ELAC2: variants seen among roughly 807,000 people sequenced by gnomAD.
ELAC2 encodes elaC ribonuclease Z 2.
In ELAC2, 92 loss-of-function variants were observed where a neutral mutation model predicts 105.2. That is an observed-to-expected ratio of 0.87 (90% CI 0.74 to 1.04). ELAC2 has a LOEUF of 1.04. Among genes scored for constraint, ELAC2 ranks in the 50% least tolerant of loss-of-function variants. ELAC2 has a pLI of 0.00. For synonymous variants in ELAC2, 468 were observed against 409.1 expected, an observed-to-expected ratio of 1.14 and a Z score of -1.74; for missense variants, 1,099 against 1,071.7, an observed-to-expected ratio of 1.03 and a Z score of -0.36.
chr17:13,004,443 C>CTT (rs1567757794), intron 11 of ELAC2, among the ~76,000 whole-genome samples: 1 of 152,194 alleles, frequency 6.6e-6, no homozygotes, highest in African/African-American at 2.4e-5. Context: ...GATTCAAACT[C>CTT]AGATAGGTGG....
chr17:13,012,785 G>A (rs983579592), intron 6 of ELAC2, among the ~76,000 whole-genome samples: 27 of 152,036 alleles, frequency 1.8e-4, no homozygotes, highest in African/African-American at 6.5e-4. Flanking sequence ...CTGATACTTC[G>A]GAATTTGCAG....
rs71144943 is a variant in ELAC2 at position 12,992,127 on chromosome 17, T to TTTGATTGA, written c.*683_*690dup. Among the ~76,000 whole-genome samples, 210 of 150,760 alleles carry TTTGATTGA rather than the reference T, an allele frequency of 1.4e-3. 1 individual carries two copies. In the Middle Eastern group the frequency reaches 0.017, roughly 12 times the overall value. On this transcript the variant is annotated 3_prime_UTR_variant, in exon 24 of 24. Transcript: ENST00000338034. ...GCCCAGCCAGGCTCTCACTGATTGATTTGATTGATTGATTGATTGATTGAT... is the reference window on the plus strand; with the variant it reads ...GCCCAGCCAGGCTCTCACTGATTGATTTGATTGATTGATTGATTGATTGATTGATTGAT...
chr17:13,011,831 A>G (rs1213271860), intron 6 of ELAC2, 49 bp from the exon 7 acceptor site: 1 of 1,613,890 alleles, frequency 6.2e-7, no homozygotes, highest in Non-Finnish European at 8.5e-7. Context: ...AGGTGAGCTG[A>G]CAGCCAAGGC....
At chr17:13,005,356 G>T in intron 10 of ELAC2, among the ~76,000 whole-genome samples, 1 of 152,172 alleles carries the variant, frequency 6.6e-6, no homozygotes, top group East Asian at 1.9e-4. Context: ...GTTTTCTTCA[G>T]TCTGTGGCCA....
intron 9 of ELAC2, 26 bp downstream of exon 9, chr17:13,005,895 C>T: frequency 1.2e-6 from 2 of 1,614,092 alleles, no homozygotes; most frequent in Non-Finnish European, 1.7e-6. Context: ...CAGTGAGTCC[C>T]CAGAAGCCTT....
rs1030426763 is a variant in ELAC2, at chr17:13,003,867, C to T, written c.984-293G>A. 41 of 404,626 alleles carry T rather than the reference C, an allele frequency of 1.0e-4. No individual in the cohort carries two copies. In the East Asian group the frequency reaches 1.0e-3, roughly 10 times the overall value. The allele number at this position is 404,626 out of a possible 1,614,324, so 25.1% of individuals were successfully genotyped here. ...TTCCTTCCTACCCTCTCCACTCATA[C>T]GGGTCCAACCTGCAAAGCCAGACCC... On this transcript the variant is annotated intron_variant, in intron 11 of 23. Transcript: ENST00000338034.
At chr17:13,006,610 C>T (rs2041123123) in intron 8 of ELAC2, 2 of 157,670 alleles carry the variant, frequency 1.3e-5, no homozygotes, top group Non-Finnish European at 2.8e-5. Flanking sequence ...TGAGGAGAAA[C>T]ACTGTTCTGT....
At chr17:12,997,974 CA>C (rs1165870503) in intron 16 of ELAC2, among the ~76,000 whole-genome samples, 1 of 152,158 alleles carries the variant, frequency 6.6e-6, no homozygotes, top group African/African-American at 2.4e-5. Context: ...GGCTGGGGGA[CA>C]ATACCATGTA....
chr17:13,015,392 A>G (rs530668764), intron 4 of ELAC2, among the ~76,000 whole-genome samples: 7 of 152,370 alleles, frequency 4.6e-5, no homozygotes, highest in African/African-American at 1.4e-4. Context: ...CTGGACTGAA[A>G]GGTAAGAAGA....
intron 1 of ELAC2, 94 bp downstream of exon 1, chr17:13,017,609 A>G (rs2041817349): frequency 6.3e-7 from 1 of 1,590,990 alleles, no homozygotes; most frequent in Non-Finnish European, 8.6e-7. Flanking sequence ...ACATGTGTGA[A>G]GCAGGGAAGC....
intron 7 of ELAC2, among the ~76,000 whole-genome samples, chr17:13,011,374 A>AC (rs2143659447): frequency 6.6e-6 from 1 of 152,288 alleles, no homozygotes; most frequent in East Asian, 1.9e-4. Context: ...ATACAAAATG[A>AC]ATCCGTTTGT....
At chr17:13,004,651 T>C (rs1409931405) in intron 11 of ELAC2, among the ~76,000 whole-genome samples, 5 of 152,152 alleles carry the variant, frequency 3.3e-5, no homozygotes, top group African/African-American at 1.2e-4. Context: ...TGGAAGAAAA[T>C]TAATTCAGTT....
chr17:13,002,351 G>A lies in ELAC2; in HGVS notation c.1227C>T (p.Gly409=), dbSNP rs138100769. Residue 409 remains glycine, a synonymous_variant, in exon 14 of 24, where the codon GGC becomes GGT. Coordinates refer to ENST00000338034, the MANE Select transcript of ELAC2 (RefSeq NM_018127.7). ...GAACCATGGGCACACTGAGGGTGGG[G>A]CCCTCCTTCTGAAAGAGACAAAACA... is the stretch of plus-strand genomic sequence containing the variant. The part of the protein sequence containing the change: ...LLTSFRCKKE[G]PTLSVPMVQG... 2.7e-5 allele frequency: 44 copies of A among 1,614,062 alleles called. No homozygotes were observed. The highest frequency in any genetic ancestry group is 1.6e-4 in the Middle Eastern group (1 of 6,084).
intron 14 of ELAC2, 61 bp downstream of exon 14, chr17:13,002,213 A>G: frequency 6.4e-6 from 10 of 1,571,262 alleles, no homozygotes; most frequent in Non-Finnish European, 8.7e-6. Context: ...CTATGTGGCT[A>G]TTTACAGAAA....
rs75874341 is a variant in ELAC2 at position 13,015,034 on chromosome 17, T to G, written c.433-538A>C. 7.9e-4 allele frequency among the ~76,000 whole-genome samples: 120 copies of G among 152,296 alleles called. 2 individuals are homozygous for G. The East Asian group carries it at 0.021, about 27-fold the overall frequency. ...GGAAGTGTGGGTAGCGGCCGGGGCC[T>G]ACAGGACTTGTAGGCCATATCAAGG... On this transcript the variant is annotated intron_variant, in intron 4 of 23. Transcript: ENST00000338034.
chr17:12,997,800 A>G (rs895428174), intron 16 of ELAC2, among the ~76,000 whole-genome samples: 1 of 152,242 alleles, frequency 6.6e-6, no homozygotes, highest in Non-Finnish European at 1.5e-5. Context: ...TACTATCTGT[A>G]GAGATAACGT....
chr17:13,013,304 G>A lies in ELAC2; in HGVS notation c.491-29C>T, dbSNP rs200844214. ...CAAGAAAACCACACAACAGCAAAGT[G>A]ATTGCATTAGTGAAGATGTGTGGGA... is the stretch of plus-strand genomic sequence containing the variant. On this transcript the variant is annotated intron_variant, in intron 5 of 23. Transcript: ENST00000338034. 5.6e-6 allele frequency: 9 copies of A among 1,596,436 alleles called. No individual in the cohort carries two copies. In the East Asian group the frequency reaches 2.0e-4, roughly 36 times the overall value.
chr17:13,011,537 G>A (rs1469882123), intron 7 of ELAC2, 126 bp downstream of exon 7: 8 of 1,501,502 alleles, frequency 5.3e-6, no homozygotes, highest in Non-Finnish European at 7.4e-6. Flanking sequence ...GTTATAGTAA[G>A]CCCAGGAAGA....
chr17:13,012,254 C>T (rs770333382), intron 6 of ELAC2, among the ~76,000 whole-genome samples: 52 of 152,196 alleles, frequency 3.4e-4, no homozygotes, highest in Admixed American at 2.0e-3. Context: ...AAACAGTGAT[C>T]GGCAAAACTG....
Sources: gnomAD v4.1 joint callset for allele counts (sites outside exome capture counted in the v4.1 genomes callset) on GRCh38, gnomAD v4.1.1 for gene constraint, MANE v1.5 for transcripts, NCBI Gene and HGNC (gene_info 2026-07-23, HGNC 2026-07-21) for gene names.